The following FAF1 variants were observed in gnomAD, a reference collection of about 807,000 sequenced individuals.
The protein encoded by FAF1 is Fas associated factor 1, also known as FAS-associated factor 1.
In FAF1, 25 loss-of-function variants were observed where a neutral mutation model predicts 92.5. The observed-to-expected ratio is 0.27, with a 90% CI of 0.20 to 0.38. The LOEUF is 0.38. Among genes scored for constraint, FAF1 ranks in the 10% least tolerant of loss-of-function variants. The pLI is 1.00. For synonymous variants in FAF1, 234 were observed against 273.2 expected (o/e 0.86, Z 1.42); for missense variants, 636 against 793.3 (o/e 0.80, Z 2.38).
chr1:50,862,788 G>A (rs1221409781), intron 1 of FAF1, among the ~76,000 whole-genome samples: 2 of 151,466 alleles, frequency 1.3e-5, no homozygotes, highest in African/African-American at 4.8e-5. Context: ...AGTTAAAAAA[G>A]ACAAAAAGGG....
At chr1:50,739,209 GTTTA>G (rs1352605532) in intron 5 of FAF1, among the ~76,000 whole-genome samples, 3 of 151,706 alleles carry the variant, frequency 2.0e-5, no homozygotes, top group Admixed American at 6.6e-5. Context: ...GTTTATGCTA[GTTTA>G]TTTTATATAT....
In FAF1 at chr1:50,615,481, A is replaced by G. The variant is rs563276898; in HGVS notation, c.745-19265T>C. ...CTCCATAGTGACTGAACTAATTTACATTACCACTAACAGTATGTAAGTGCT... is the reference window on the plus strand; with the variant it reads ...CTCCATAGTGACTGAACTAATTTACGTTACCACTAACAGTATGTAAGTGCT... On this transcript the variant is annotated intron_variant, in intron 8 of 18. Coordinates refer to ENST00000396153, the MANE Select transcript of FAF1 (RefSeq NM_007051.3). Among the ~76,000 whole-genome samples, 15 of 152,334 alleles carry G rather than the reference A, an allele frequency of 9.8e-5. No homozygotes were observed. The South Asian group carries it at 2.9e-3, about 29-fold the overall frequency.
intron 7 of FAF1, among the ~76,000 whole-genome samples, chr1:50,683,481 C>T (rs898203188): frequency 1.8e-4 from 27 of 151,498 alleles, no homozygotes; most frequent in Admixed American, 5.9e-4. Flanking sequence ...GAGCCGAAAT[C>T]GCGCCACTGC....
chr1:50,661,855 T>C (rs922736878), intron 7 of FAF1, among the ~76,000 whole-genome samples: 2 of 150,938 alleles, frequency 1.3e-5, no homozygotes, highest in African/African-American at 2.4e-5. Context: ...CCTAAGGCCT[T>C]CTTTTCCTCT....
chr1:50,932,462 G>A (rs184950376), intron 1 of FAF1, among the ~76,000 whole-genome samples: 12 of 152,300 alleles, frequency 7.9e-5, no homozygotes, highest in East Asian at 3.9e-4. Context: ...ATTTTAAAGC[G>A]CCAAAATGAT....
At chr1:50,859,069 C>G (rs573933577) in intron 1 of FAF1, among the ~76,000 whole-genome samples, 2 of 151,906 alleles carry the variant, frequency 1.3e-5, no homozygotes, top group East Asian at 1.9e-4. Flanking sequence ...CAATAAAACC[C>G]AACATCCCTT....
intron 1 of FAF1, among the ~76,000 whole-genome samples, chr1:50,930,180 T>A (rs115658954): frequency 1.2e-4 from 18 of 152,242 alleles, no homozygotes; most frequent in Non-Finnish European, 2.2e-4. Context: ...AATGCCAAAG[T>A]GGGAAATTCT....
chr1:50,512,974 C>G (rs1167958792), intron 15 of FAF1, among the ~76,000 whole-genome samples: 1 of 152,100 alleles, frequency 6.6e-6, no homozygotes, highest in African/African-American at 2.4e-5. Flanking sequence ...ACTCTAAGTG[C>G]AGAAAGTGGG....
intron 3 of FAF1, among the ~76,000 whole-genome samples, chr1:50,793,700 C>A (rs1051480027): frequency 1.3e-5 from 2 of 152,174 alleles, no homozygotes; most frequent in Non-Finnish European, 1.5e-5. Flanking sequence ...TAGACTAATA[C>A]CTTCATTGTC....
At chr1:50,614,839 C>CAAAA (rs1295301237) in intron 8 of FAF1, among the ~76,000 whole-genome samples, 1,067 of 46,764 alleles carry the variant, frequency 0.023, 14 homozygotes, top group African/African-American at 0.075. Context: ...AACTCCGTCT[C>CAAAA]AAAAAAAAAA....
At chr1:50,754,978 C>T (rs1363347725) in intron 4 of FAF1, among the ~76,000 whole-genome samples, 1 of 152,096 alleles carries the variant, frequency 6.6e-6, no homozygotes, top group African/African-American at 2.4e-5. Context: ...CAAGGTCCCT[C>T]CCACAACACG....
At chr1:50,889,615 G>A (rs1397625936) in intron 1 of FAF1, among the ~76,000 whole-genome samples, 5 of 152,136 alleles carry the variant, frequency 3.3e-5, no homozygotes, top group South Asian at 2.1e-4. Context: ...CCTTCATTTC[G>A]TTATGTACCC....
intron 15 of FAF1, among the ~76,000 whole-genome samples, chr1:50,501,693 A>G (rs1341179681): frequency 6.6e-6 from 1 of 152,000 alleles, no homozygotes. Flanking sequence ...CTAACTATAC[A>G]AAATGTTGAT....
chr1:50,725,976 C>G (rs761719058), intron 6 of FAF1, among the ~76,000 whole-genome samples: 10 of 152,130 alleles, frequency 6.6e-5, no homozygotes, highest in Non-Finnish European at 1.3e-4. Flanking sequence ...TAACTGGGGC[C>G]AGGCGCAGTG....
chr1:50,576,406 A>G (rs968327861), intron 12 of FAF1, among the ~76,000 whole-genome samples: 2 of 152,240 alleles, frequency 1.3e-5, no homozygotes, highest in African/African-American at 2.4e-5. Flanking sequence ...TAATGAAATT[A>G]CTAATATCAA....
chr1:50,513,535 GTTCCATTCTGCAAAAAGTTCTCATTTGGT>G (rs1458763413), intron 15 of FAF1, among the ~76,000 whole-genome samples: 2 of 152,074 alleles, frequency 1.3e-5, no homozygotes, highest in Admixed American at 1.3e-4. Flanking sequence ...TATCATTGTG[GTTCCATTCTGCAAAAAGTTCTCATTTGGT>G]TTCCATTCTG....
At chr1:50,743,018 G>A (rs1659447530) in intron 5 of FAF1, among the ~76,000 whole-genome samples, 1 of 152,170 alleles carries the variant, frequency 6.6e-6, no homozygotes, top group South Asian at 2.1e-4. Context: ...ACATAATTAT[G>A]CTCGATGTTT....
At chr1:50,754,069 T>G (rs1659980846) in intron 4 of FAF1, among the ~76,000 whole-genome samples, 1 of 152,184 alleles carries the variant, frequency 6.6e-6, no homozygotes. Context: ...CTGCTCATTC[T>G]AACATCTAGG....
chr1:50,497,262 T>C (rs899818204), intron 15 of FAF1, among the ~76,000 whole-genome samples: 10 of 151,978 alleles, frequency 6.6e-5, no homozygotes, highest in Non-Finnish European at 1.3e-4. Context: ...TCTAAAGTAC[T>C]GAAAGAAATA....
Sources: gnomAD v4.1 joint callset for allele counts (sites outside exome capture counted in the v4.1 genomes callset) on GRCh38, gnomAD v4.1.1 for gene constraint, MANE v1.5 for transcripts, NCBI Gene and HGNC (gene_info 2026-07-23, HGNC 2026-07-21) for gene names.